The following SPOCK1 variants were observed in gnomAD, a reference collection of about 807,000 sequenced individuals.
SPOCK1 encodes the protein SPARC (osteonectin), cwcv and kazal like domains proteoglycan 1.
Under a neutral mutation model 55.3 loss-of-function variants are expected in SPOCK1, and 23 were observed. That is an observed-to-expected ratio of 0.42 (90% CI 0.30 to 0.59). The LOEUF is 0.59. Ranked by LOEUF, SPOCK1 falls within the 20% of genes least tolerant of loss-of-function variation. The pLI, the probability that SPOCK1 is intolerant of heterozygous loss-of-function variation, is 0.22. For synonymous variants in SPOCK1, 226 were observed against 221.0 expected (o/e 1.02, Z -0.20); for missense variants, 499 against 552.5 (o/e 0.90, Z 0.97).
At chr5:137,343,458 GC>G (rs1464087742) in intron 2 of SPOCK1, among the ~76,000 whole-genome samples, 2 of 152,098 alleles carry the variant, frequency 1.3e-5, no homozygotes, top group Non-Finnish European at 2.9e-5. Context: ...TGGAAGAAGG[GC>G]CCCAAGAAGG....
chr5:136,981,188 G>A (rs1424840305), intron 9 of SPOCK1, among the ~76,000 whole-genome samples: 1 of 152,090 alleles, frequency 6.6e-6, no homozygotes, highest in Non-Finnish European at 1.5e-5. Flanking sequence ...GCTAATTCTG[G>A]TATATACTAA....
intron 3 of SPOCK1, among the ~76,000 whole-genome samples, chr5:137,148,548 T>A (rs6878864): frequency 6.6e-6 from 1 of 152,048 alleles, no homozygotes. Flanking sequence ...TTTGAAAGTG[T>A]GATGGGAGTG....
chr5:137,022,672 G>A (rs1029822730), intron 6 of SPOCK1, among the ~76,000 whole-genome samples: 1 of 152,166 alleles, frequency 6.6e-6, no homozygotes, highest in African/African-American at 2.4e-5. Flanking sequence ...GAAAAAAAGT[G>A]TCGATTTATA....
At chr5:137,181,267 A>G (rs1754964530) in intron 3 of SPOCK1, among the ~76,000 whole-genome samples, 1 of 152,220 alleles carries the variant, frequency 6.6e-6, no homozygotes, top group African/African-American at 2.4e-5. Context: ...ACAAGGGTCT[A>G]GTCTGCAGAT....
intron 2 of SPOCK1, among the ~76,000 whole-genome samples, chr5:137,421,436 C>G (rs1752491810): frequency 2.0e-5 from 3 of 152,158 alleles, no homozygotes; most frequent in Admixed American, 1.3e-4. Context: ...GAGACTAAGT[C>G]TCTTTCTAGG....
At position 137,334,021 on chromosome 5, in the gene SPOCK1, T is replaced by TGC. The variant is rs564871102; in HGVS notation, c.187-66968_187-66967dup. Among the ~76,000 whole-genome samples, 143 of 152,240 alleles carry TGC rather than the reference T, an allele frequency of 9.4e-4. 1 individual carries two copies. The highest frequency in any genetic ancestry group is 3.4e-3 in the Middle Eastern group (1 of 294). On this transcript the variant is annotated intron_variant, in intron 2 of 10. Transcript: ENST00000394945. ...CATCTTGACAAGGGAGTTTAAAGGG[T>TGC]GCCCCGTCAGATCCCCATGGAGTCC...
intron 2 of SPOCK1, among the ~76,000 whole-genome samples, chr5:137,487,130 A>T (rs1754075003): frequency 6.6e-6 from 1 of 152,146 alleles, no homozygotes; most frequent in African/African-American, 2.4e-5. Flanking sequence ...AATTTTTTTT[A>T]ATCAATTTTA....
At chr5:137,376,849 T>C (rs763837620) in intron 2 of SPOCK1, among the ~76,000 whole-genome samples, 3 of 152,230 alleles carry the variant, frequency 2.0e-5, no homozygotes, top group Non-Finnish European at 4.4e-5. Context: ...AGCTGTTAAG[T>C]ATGAGTGGAA....
intron 5 of SPOCK1, among the ~76,000 whole-genome samples, chr5:137,103,001 GT>G (rs1171045726): frequency 6.6e-6 from 1 of 151,152 alleles, no homozygotes; most frequent in Non-Finnish European, 1.5e-5. Context: ...GTTTTGTTTT[GT>G]TTTTTAAAGA....
At chr5:137,256,297 G>C (rs924225048) in intron 3 of SPOCK1, among the ~76,000 whole-genome samples, 13 of 152,236 alleles carry the variant, frequency 8.5e-5, no homozygotes, top group Non-Finnish European at 1.6e-4. Flanking sequence ...CTTATTACAA[G>C]TGGCTTTAGG....
chr5:137,160,632 T>TATACAATATATAAC lies in SPOCK1; in HGVS notation c.233-19939_233-19938insGTTATATATTGTAT, dbSNP rs1561631861. On this transcript the variant is annotated intron_variant, in intron 3 of 10. Coordinates refer to ENST00000394945, the MANE Select transcript of SPOCK1 (RefSeq NM_004598.4). Reference sequence around the variant, plus strand: ...AATATATAATATATATTTTATATAATATATAATATATATTTTATATAATAT... The same window carrying TATACAATATATAAC: ...AATATATAATATATATTTTATATAATATACAATATATAACATATAATATATATTTTATATAATAT... Among the ~76,000 whole-genome samples, 224 of 98,594 alleles carry TATACAATATATAAC rather than the reference T, an allele frequency of 2.3e-3. 6 individuals are homozygous for TATACAATATATAAC. Among genetic ancestry groups the TATACAATATATAAC allele is most frequent in the African/African-American group, 8.4e-3 (209 of 24,996 alleles). 64.7% of individuals were successfully genotyped at this position (98,594 alleles called of 152,430 possible). A position where few individuals can be genotyped will look rare whatever the true frequency, so the allele number is the denominator to read the frequency against.
chr5:137,026,217 G>A (rs1431019482), intron 6 of SPOCK1, among the ~76,000 whole-genome samples: 1 of 152,252 alleles, frequency 6.6e-6, no homozygotes, highest in Non-Finnish European at 1.5e-5. Context: ...ACCACCAAGG[G>A]TAGGTAAAAC....
chr5:137,382,098 C>G (rs1751483681), intron 2 of SPOCK1, among the ~76,000 whole-genome samples: 1 of 152,198 alleles, frequency 6.6e-6, no homozygotes, highest in Admixed American at 6.5e-5. Context: ...TCTAAATCAT[C>G]TCTCTTGAGT....
At chr5:137,320,040 G>A (rs1202358757) in intron 2 of SPOCK1, among the ~76,000 whole-genome samples, 1 of 151,496 alleles carries the variant, frequency 6.6e-6, no homozygotes, top group Non-Finnish European at 1.5e-5. Flanking sequence ...AGTACCCCAG[G>A]CAACTCAAAA....
intron 2 of SPOCK1, among the ~76,000 whole-genome samples, chr5:137,385,653 G>T (rs1751583912): frequency 6.6e-6 from 1 of 152,150 alleles, no homozygotes; most frequent in South Asian, 2.1e-4. Flanking sequence ...ACAGACTTCT[G>T]GTCCTCAGAG....
At chr5:136,999,833 T>C (rs1043959265) in intron 6 of SPOCK1, among the ~76,000 whole-genome samples, 2 of 152,210 alleles carry the variant, frequency 1.3e-5, no homozygotes, top group African/African-American at 2.4e-5. Flanking sequence ...CAATTGGGGA[T>C]GTCCGAAAAT....
At chr5:137,122,420 G>A (rs6890599) in intron 4 of SPOCK1, among the ~76,000 whole-genome samples, 21,726 of 152,120 alleles carry the variant, frequency 0.14, 1,636 homozygotes, top group South Asian at 0.22. Flanking sequence ...TTAGTGATGC[G>A]CTCTGTTTTA....
Position 137,087,348 on chromosome 5 carries a change from G to A in SPOCK1, c.475-19519C>T, listed in dbSNP as rs567834147. On this transcript the variant is annotated intron_variant, in intron 5 of 10. Transcript: ENST00000394945. Reference sequence around the variant, plus strand: ...CAAACAAGGCAGTATATCTCTCTGCGCTTCAACATCTTGCTCTAAAGAGAG... The same window carrying A: ...CAAACAAGGCAGTATATCTCTCTGCACTTCAACATCTTGCTCTAAAGAGAG... Among the ~76,000 whole-genome samples the A allele has an allele frequency of 9.8e-5, 15 of 152,290 alleles. No individual in the cohort carries two copies. In the East Asian group the frequency reaches 1.5e-3, roughly 16 times the overall value.
chr5:137,452,760 G>A (rs1446407861), intron 2 of SPOCK1, among the ~76,000 whole-genome samples: 1 of 152,126 alleles, frequency 6.6e-6, no homozygotes, highest in Non-Finnish European at 1.5e-5. Flanking sequence ...TGGCATCCTT[G>A]GCACATGGGC....
Sources: allele counts gnomAD v4.1 joint callset (sites outside exome capture counted in the v4.1 genomes callset), GRCh38; gene constraint gnomAD v4.1.1; transcripts MANE v1.5; gene names NCBI Gene and HGNC (gene_info 2026-07-23, HGNC 2026-07-21).